Variants in CDH12 observed in about 807,000 individuals in gnomAD.
The protein encoded by CDH12 is cadherin-12.
Under a neutral mutation model 74.1 loss-of-function variants are expected in CDH12, and 41 were observed. The ratio of observed to expected loss-of-function variants is 0.55; its 90% confidence interval spans 0.43 to 0.72. The LOEUF is 0.72. Among genes scored for constraint, CDH12 ranks in the 30% least tolerant of loss-of-function variants. The pLI is 0.00. For missense variants in CDH12, 945 were observed against 977.2 expected (o/e 0.97, Z 0.44); for synonymous variants, 399 against 355.0 (o/e 1.12, Z -1.39).
chr5:22,527,801 C>T (rs1004809310), intron 1 of CDH12, among the ~76,000 whole-genome samples: 2 of 152,138 alleles, frequency 1.3e-5, no homozygotes, highest in South Asian at 2.1e-4. Flanking sequence ...TTAGGCATTT[C>T]GATTTGCTCA....
chr5:22,826,214 T>A (rs1304118373), intron 1 of CDH12, among the ~76,000 whole-genome samples: 3 of 152,024 alleles, frequency 2.0e-5, no homozygotes, highest in African/African-American at 7.2e-5. Context: ...CCTCATGAGA[T>A]CTGATGGTTT....
At chr5:22,477,774 G>C (rs768097177) in intron 2 of CDH12, among the ~76,000 whole-genome samples, 5 of 152,110 alleles carry the variant, frequency 3.3e-5, no homozygotes, top group Non-Finnish European at 4.4e-5. Context: ...AACCTCATGA[G>C]CAATAAGGAC....
At chr5:22,157,453 C>T (rs1748088984) in intron 4 of CDH12, among the ~76,000 whole-genome samples, 1 of 151,308 alleles carries the variant, frequency 6.6e-6, no homozygotes, top group African/African-American at 2.4e-5. Context: ...AGCTTCTGAG[C>T]TGTCATTCAC....
chr5:22,539,932 G>C (rs1738025304), intron 1 of CDH12, among the ~76,000 whole-genome samples: 2 of 152,266 alleles, frequency 1.3e-5, no homozygotes, highest in South Asian at 4.1e-4. Flanking sequence ...TGTTAAGACA[G>C]CTATCAGACT....
intron 11 of CDH12, 123 bp downstream of exon 11, chr5:21,783,235 T>A: frequency 1.9e-5 from 15 of 781,092 alleles, no homozygotes; most frequent in African/African-American, 3.5e-5. Context: ...GGTTTCTGAG[T>A]TTCCCCGCGA....
At chr5:22,660,437 C>T (rs560085709) in intron 1 of CDH12, among the ~76,000 whole-genome samples, 10 of 152,200 alleles carry the variant, frequency 6.6e-5, no homozygotes, top group African/African-American at 2.4e-4. Context: ...CGTTTAATCT[C>T]TCTTATCGGT....
chr5:22,375,342 T>TAGAAAAAGAAATATA (rs1741474963), intron 3 of CDH12, among the ~76,000 whole-genome samples: 1 of 152,024 alleles, frequency 6.6e-6, no homozygotes, highest in Non-Finnish European at 1.5e-5. Context: ...ATAAAATTAT[T>TAGAAAAAGAAATATA]AGAAAAAGAA....
chr5:21,948,456 G>A (rs1256722444), intron 6 of CDH12, among the ~76,000 whole-genome samples: 2 of 152,178 alleles, frequency 1.3e-5, no homozygotes, highest in South Asian at 2.1e-4. Flanking sequence ...TATCCCCTTT[G>A]TTTTGACTAA....
chr5:22,466,936 G>A (rs1024999986), intron 2 of CDH12, among the ~76,000 whole-genome samples: 2 of 151,600 alleles, frequency 1.3e-5, no homozygotes, highest in East Asian at 1.9e-4. Flanking sequence ...CTACAGGCAC[G>A]TGCCGCCAAG....
intron 4 of CDH12, among the ~76,000 whole-genome samples, chr5:22,188,116 T>C (rs1750071135): frequency 6.6e-6 from 1 of 150,732 alleles, no homozygotes; most frequent in Admixed American, 6.6e-5. Flanking sequence ...TGGGGTCTAG[T>C]TGGGAGGTGT....
intron 4 of CDH12, among the ~76,000 whole-genome samples, chr5:22,166,083 T>C (rs1748665107): frequency 6.6e-6 from 1 of 152,214 alleles, no homozygotes; most frequent in East Asian, 1.9e-4. Context: ...CACCACGAAT[T>C]CTTTTTTGTG....
chr5:22,749,357 T>C (rs1745449102), intron 1 of CDH12, among the ~76,000 whole-genome samples: 1 of 152,212 alleles, frequency 6.6e-6, no homozygotes. Context: ...CATAGAATGC[T>C]TTACTAAGGT....
At chr5:22,028,699 T>C (rs1477591824) in intron 5 of CDH12, among the ~76,000 whole-genome samples, 7 of 152,110 alleles carry the variant, frequency 4.6e-5, no homozygotes, top group Admixed American at 2.0e-4. Flanking sequence ...AGGTAATTTA[T>C]AGATTCAATG....
chr5:22,369,777 T>C (rs922928108), intron 3 of CDH12, among the ~76,000 whole-genome samples: 3 of 152,194 alleles, frequency 2.0e-5, no homozygotes, highest in African/African-American at 7.2e-5. Context: ...TTAGGCTGAA[T>C]ATTTTGTCCC....
At chr5:22,631,916 G>C (rs935210577) in intron 1 of CDH12, among the ~76,000 whole-genome samples, 26 of 152,072 alleles carry the variant, frequency 1.7e-4, no homozygotes, top group African/African-American at 6.0e-4. Context: ...AACCATTTAT[G>C]AAGGATGTAA....
intron 13 of CDH12, among the ~76,000 whole-genome samples, chr5:21,760,001 A>G (rs1294807779): frequency 2.6e-5 from 4 of 152,152 alleles, no homozygotes; most frequent in Non-Finnish European, 5.9e-5. Flanking sequence ...CCATGTTCCT[A>G]CAAAAGACAT....
At chr5:22,181,782 A>T (rs963414936) in intron 4 of CDH12, among the ~76,000 whole-genome samples, 24 of 152,094 alleles carry the variant, frequency 1.6e-4, no homozygotes, top group African/African-American at 3.6e-4. Flanking sequence ...CAAATTAGAC[A>T]TCTGGGAGTC....
chr5:22,396,707 C>A (rs1251570735), intron 3 of CDH12, among the ~76,000 whole-genome samples: 1 of 152,056 alleles, frequency 6.6e-6, no homozygotes, highest in Non-Finnish European at 1.5e-5. Flanking sequence ...CATATTGGTT[C>A]CAACTGATTT....
At chr5:21,806,852 GTTTATAC>G (rs971413651) in intron 9 of CDH12, among the ~76,000 whole-genome samples, 7 of 152,172 alleles carry the variant, frequency 4.6e-5, no homozygotes, top group South Asian at 2.1e-4. Flanking sequence ...ATGGAATTTA[GTTTATAC>G]TTTAACTTTG....
Sources: allele counts gnomAD v4.1 joint callset (sites outside exome capture counted in the v4.1 genomes callset), GRCh38; gene constraint gnomAD v4.1.1; transcripts MANE v1.5; gene names NCBI Gene and HGNC (gene_info 2026-07-23, HGNC 2026-07-21).